PALM2AKAP2: variants seen among roughly 807,000 people sequenced by gnomAD.
PALM2AKAP2 encodes the protein PALM2-AKAP2 fusion protein.
In PALM2AKAP2, 37 loss-of-function variants were observed where a neutral mutation model predicts 71.5. The ratio of observed to expected loss-of-function variants is 0.52; its 90% CI spans 0.40 to 0.68. PALM2AKAP2 has a LOEUF of 0.68. Ranked by LOEUF, PALM2AKAP2 falls within the 30% of genes least tolerant of loss-of-function variation. The probability of loss-of-function intolerance (pLI) is 0.00; values close to 1 mark genes in which losing one functional copy is unlikely to be tolerated. For missense variants in PALM2AKAP2, 1,224 were observed against 1,191.8 expected (o/e 1.03, Z -0.40); for synonymous variants, 468 against 478.8 (o/e 0.98, Z 0.29).
chr9:109,672,125 A>G (rs1387449836), intron 1 of PALM2AKAP2, among the ~76,000 whole-genome samples: 1 of 152,074 alleles, frequency 6.6e-6, no homozygotes, highest in Non-Finnish European at 1.5e-5. Context: ...CCCTGCAGGG[A>G]CTTCCACTAC....
intron 6 of PALM2AKAP2, among the ~76,000 whole-genome samples, chr9:109,987,247 C>T (rs1040251137): frequency 1.3e-5 from 2 of 152,174 alleles, no homozygotes; most frequent in Non-Finnish European, 2.9e-5. Context: ...TCTTCTGCCT[C>T]AGCCTCCTGA....
chr9:109,689,948 G>T (rs1048801513), intron 1 of PALM2AKAP2, among the ~76,000 whole-genome samples: 2 of 152,190 alleles, frequency 1.3e-5, no homozygotes, highest in African/African-American at 4.8e-5. Context: ...AATGAGGCCA[G>T]GAATGTCATG....
chr9:110,145,891 CTTTTTTTT>C (rs61137720), intron 2 of PALM2AKAP2, among the ~76,000 whole-genome samples: 4 of 64,454 alleles, frequency 6.2e-5, no homozygotes, highest in African/African-American at 6.6e-5. Context: ...CCTCACTCTT[CTTTTTTTT>C]TTTTTTTTTT....
upstream of PALM2AKAP2, among the ~76,000 whole-genome samples, chr9:110,045,073 G>GTGGGCCACTCTT (rs1554742520): frequency 6.6e-6 from 1 of 151,722 alleles, no homozygotes; most frequent in African/African-American, 2.4e-5. Flanking sequence ...TGGGTCCCCT[G>GTGGGCCACTCTT]GCTCAGGGGT....
intron 1 of PALM2AKAP2, among the ~76,000 whole-genome samples, chr9:109,768,036 A>AGGCATGTAGGTAGG (rs879480476): frequency 8.9e-6 from 1 of 112,594 alleles, no homozygotes; most frequent in Non-Finnish European, 1.7e-5. Flanking sequence ...AAGGAAAGAA[A>AGGCATGTAGGTAGG]AAGAGGGAAG....
At chr9:109,963,031 G>C (rs780013244) in intron 6 of PALM2AKAP2, among the ~76,000 whole-genome samples, 1 of 152,196 alleles carries the variant, frequency 6.6e-6, no homozygotes, top group Non-Finnish European at 1.5e-5. Context: ...TGCAGAGCTA[G>C]GATTCATACT....
At chr9:110,096,355 C>T (rs1834835855) in intron 1 of PALM2AKAP2, among the ~76,000 whole-genome samples, 1 of 152,142 alleles carries the variant, frequency 6.6e-6, no homozygotes, top group Non-Finnish European at 1.5e-5. Context: ...CTTCAACCTC[C>T]TGGGCTCAAG....
At chr9:109,668,719 A>G (rs1323516773) in intron 1 of PALM2AKAP2, among the ~76,000 whole-genome samples, 1 of 152,222 alleles carries the variant, frequency 6.6e-6, no homozygotes, top group Non-Finnish European at 1.5e-5. Flanking sequence ...AGGCAGTTTT[A>G]GTTATATGAG....
intron 2 of PALM2AKAP2, among the ~76,000 whole-genome samples, chr9:110,140,258 C>G (rs183751679): frequency 6.6e-6 from 1 of 152,198 alleles, no homozygotes; most frequent in Non-Finnish European, 1.5e-5. Context: ...TTACAGCTCA[C>G]GGGAGCCCTT....
chr9:109,750,813 G>A (rs942661698), intron 1 of PALM2AKAP2, among the ~76,000 whole-genome samples: 5 of 152,282 alleles, frequency 3.3e-5, no homozygotes, highest in Non-Finnish European at 7.4e-5. Flanking sequence ...GTAAGATATA[G>A]TATGGTCCAA....
chr9:110,161,265 T>C (rs1836586675), intron 3 of PALM2AKAP2, among the ~76,000 whole-genome samples: 1 of 152,158 alleles, frequency 6.6e-6, no homozygotes, highest in South Asian at 2.1e-4. Flanking sequence ...ACCTAACTAG[T>C]CTATGGCTAT....
chr9:110,122,792 GC>G (rs1392232261), intron 1 of PALM2AKAP2, among the ~76,000 whole-genome samples: 10 of 152,144 alleles, frequency 6.6e-5, no homozygotes, highest in Admixed American at 6.5e-4. Flanking sequence ...TCAGGTTACG[GC>G]AAAACAGTGC....
chr9:109,717,252 T>A (rs1828338592), intron 1 of PALM2AKAP2, among the ~76,000 whole-genome samples: 1 of 152,118 alleles, frequency 6.6e-6, no homozygotes, highest in Admixed American at 6.5e-5. Context: ...ACTCTAAGGA[T>A]CCTTCTAGGG....
At chr9:110,090,135 G>A (rs1476148632) in intron 1 of PALM2AKAP2, 1 of 299,602 alleles carries the variant, frequency 3.3e-6, no homozygotes. Flanking sequence ...GTGTACCTTT[G>A]AACCGGAGAA....
intron 6 of PALM2AKAP2, among the ~76,000 whole-genome samples, chr9:110,004,668 A>G (rs1046835829): frequency 2.0e-5 from 3 of 152,280 alleles, no homozygotes; most frequent in South Asian, 2.1e-4. Flanking sequence ...CAGGTACACC[A>G]ATCAGATGTA....
intron 1 of PALM2AKAP2, among the ~76,000 whole-genome samples, chr9:109,832,215 T>G (rs958282759): frequency 2.6e-5 from 4 of 152,258 alleles, no homozygotes; most frequent in Non-Finnish European, 5.9e-5. Context: ...ACACCAGAAG[T>G]GTTCCAGGCG....
At chr9:110,034,586 A>G (rs975813213) in intron 7 of PALM2AKAP2, among the ~76,000 whole-genome samples, 2 of 147,788 alleles carry the variant, frequency 1.4e-5, no homozygotes, top group Non-Finnish European at 3.0e-5. Flanking sequence ...TCCAATAACT[A>G]TCAAGCCATA....
chr9:110,011,014 A>ATATATATATATATATATATAT (rs1554737803), intron 6 of PALM2AKAP2, among the ~76,000 whole-genome samples: 2 of 69,586 alleles, frequency 2.9e-5, no homozygotes, highest in African/African-American at 7.8e-5. Context: ...AAAAAAAAAA[A>ATATATATATATATATATATAT]ATATATATAT....
chr9:109,704,346 G>C (rs1347117863), intron 1 of PALM2AKAP2, among the ~76,000 whole-genome samples: 1 of 152,180 alleles, frequency 6.6e-6, no homozygotes, highest in Non-Finnish European at 1.5e-5. Flanking sequence ...ACTTCCCTAT[G>C]CACGATGTGT....
Sources: allele counts gnomAD v4.1 joint callset (sites outside exome capture counted in the v4.1 genomes callset), GRCh38; gene constraint gnomAD v4.1.1; transcripts MANE v1.5; gene names NCBI Gene and HGNC (gene_info 2026-07-23, HGNC 2026-07-21).